The following FHOD3 variants were observed in gnomAD, a reference collection of about 807,000 sequenced individuals.
The protein encoded by FHOD3 is FH1/FH2 domain-containing protein 3.
FHOD3 carries 90 observed loss-of-function variants against 173.0 expected under a neutral mutation model. That is an observed-to-expected ratio of 0.52 (90% CI 0.44 to 0.62). The LOEUF is 0.62. Among genes scored for constraint, FHOD3 ranks in the 20% least tolerant of loss-of-function variants. The pLI is 0.00. For missense variants in FHOD3, 1,945 were observed against 2,034.7 expected, an observed-to-expected ratio of 0.96 and a Z score of 0.85; for synonymous variants, 828 against 823.0, an observed-to-expected ratio of 1.01 and a Z score of -0.10.
At chr18:36,724,581 G>T (rs898976786) in intron 19 of FHOD3, among the ~76,000 whole-genome samples, 2 of 152,194 alleles carry the variant, frequency 1.3e-5, no homozygotes, top group African/African-American at 4.8e-5. Flanking sequence ...CCCAGTCCCT[G>T]AGTTGCCTTA....
At chr18:36,690,367 T>C (rs1031018360) in intron 16 of FHOD3, among the ~76,000 whole-genome samples, 5 of 152,194 alleles carry the variant, frequency 3.3e-5, no homozygotes, top group Non-Finnish European at 7.3e-5. Context: ...AGCCCGGTGC[T>C]TCCCACAGAG....
chr18:36,672,371 T>G (rs187390892), intron 14 of FHOD3, among the ~76,000 whole-genome samples: 53 of 152,310 alleles, frequency 3.5e-4, no homozygotes, highest in Admixed American at 2.7e-3. Flanking sequence ...CTTGAAAAAT[T>G]ACTCTGGTCT....
chr18:36,657,178 A>C (rs1228879634), intron 13 of FHOD3, among the ~76,000 whole-genome samples: 2 of 152,316 alleles, frequency 1.3e-5, no homozygotes, highest in Admixed American at 1.3e-4. Flanking sequence ...CACACATTCT[A>C]ATACAGTGTC....
chr18:36,365,752 C>CGGGCTAGG (rs1227029157), intron 2 of FHOD3, among the ~76,000 whole-genome samples: 2 of 152,048 alleles, frequency 1.3e-5, no homozygotes, highest in African/African-American at 4.8e-5. Flanking sequence ...TGGTGACGGC[C>CGGGCTAGG]GGGCTAGGTG....
intron 8 of FHOD3, among the ~76,000 whole-genome samples, chr18:36,603,750 C>T (rs963840884): frequency 6.6e-5 from 10 of 152,110 alleles, no homozygotes; most frequent in Admixed American, 1.3e-4. Flanking sequence ...GTGGTCCACC[C>T]GTTTTGGCCT....
chr18:36,679,312 A>G (rs1418321976), intron 14 of FHOD3, among the ~76,000 whole-genome samples: 1 of 151,668 alleles, frequency 6.6e-6, no homozygotes, highest in Non-Finnish European at 1.5e-5. Flanking sequence ...AATAATTTTG[A>G]TGGAACTTGT....
intron 23 of FHOD3, 106 bp downstream of exon 23, chr18:36,744,299 G>A: frequency 8.9e-7 from 1 of 1,118,148 alleles, no homozygotes; most frequent in Non-Finnish European, 1.3e-6. Flanking sequence ...ATGCCCAAGT[G>A]CTGCCTGCAT....
chr18:36,743,404 G>T (rs1351034582), intron 22 of FHOD3, among the ~76,000 whole-genome samples: 4 of 149,620 alleles, frequency 2.7e-5, no homozygotes, highest in Non-Finnish European at 4.4e-5. Context: ...ACACACACAT[G>T]ATTCTTTATG....
At chr18:36,398,490 A>G (rs1038516834) in intron 3 of FHOD3, among the ~76,000 whole-genome samples, 1 of 152,228 alleles carries the variant, frequency 6.6e-6, no homozygotes, top group Non-Finnish European at 1.5e-5. Context: ...TTTTTCAGAA[A>G]GAAAATGCCG....
Position 36,450,589 on chromosome 18 carries a change from C to T in FHOD3, c.338-51343C>T, listed in dbSNP as rs546976606. On this transcript the variant is annotated intron_variant, in intron 3 of 28. Transcript: ENST00000590592. ...GGAGGATTTCTTGAGGCCAGGAGTT[C>T]GAGACCAGCCTGGGCAACATGGTGA... 7.3e-5 allele frequency among the ~76,000 whole-genome samples: 11 copies of T among 151,724 alleles called. 1 individual carries two copies. In the South Asian group the frequency reaches 1.7e-3, roughly 23 times the overall value.
chr18:36,615,204 C>A (rs2033088058), intron 9 of FHOD3, among the ~76,000 whole-genome samples: 1 of 152,046 alleles, frequency 6.6e-6, no homozygotes, highest in Non-Finnish European at 1.5e-5. Flanking sequence ...GGATACTAGA[C>A]CCTTATCAGA....
intron 5 of FHOD3, among the ~76,000 whole-genome samples, chr18:36,541,408 GTC>G (rs1433428220): frequency 3.9e-5 from 6 of 151,976 alleles, no homozygotes; most frequent in Admixed American, 3.3e-4. Flanking sequence ...ATGAGACCCT[GTC>G]TCTACAAAAA....
intron 2 of FHOD3, among the ~76,000 whole-genome samples, chr18:36,366,929 T>G (rs1451450157): frequency 1.3e-5 from 2 of 152,208 alleles, no homozygotes; most frequent in African/African-American, 2.4e-5. Flanking sequence ...GGAGGAGTAC[T>G]TGGGAGCATT....
chr18:36,477,079 A>G (rs1434234819), intron 3 of FHOD3, among the ~76,000 whole-genome samples: 2 of 152,196 alleles, frequency 1.3e-5, no homozygotes, highest in South Asian at 2.1e-4. Flanking sequence ...GGTGGATTTC[A>G]TGGCAGGTCC....
chr18:36,490,427 C>T (rs1215442167), intron 3 of FHOD3, among the ~76,000 whole-genome samples: 12 of 152,128 alleles, frequency 7.9e-5, no homozygotes, highest in Non-Finnish European at 1.5e-5. Flanking sequence ...CTTTCCTCCT[C>T]AGTAAAGATG....
intron 3 of FHOD3, among the ~76,000 whole-genome samples, chr18:36,419,560 G>A (rs2049876621): frequency 6.6e-6 from 1 of 152,192 alleles, no homozygotes; most frequent in East Asian, 1.9e-4. Flanking sequence ...TAGGAACCCT[G>A]TAGCAACTTG....
intron 1 of FHOD3, among the ~76,000 whole-genome samples, chr18:36,318,932 AG>A (rs1443577941): frequency 1.3e-5 from 2 of 152,176 alleles, no homozygotes; most frequent in Non-Finnish European, 2.9e-5. Flanking sequence ...TTTAGCAGGA[AG>A]GGCTGTTGAA....
At chr18:36,413,624 G>T (rs532366228) in intron 3 of FHOD3, among the ~76,000 whole-genome samples, 1 of 152,286 alleles carries the variant, frequency 6.6e-6, no homozygotes, top group Non-Finnish European at 1.5e-5. Flanking sequence ...TAGGCAGCCT[G>T]GATTTATGTG....
intron 24 of FHOD3, among the ~76,000 whole-genome samples, chr18:36,747,628 C>T (rs1342356214): frequency 6.6e-6 from 1 of 152,238 alleles, no homozygotes; most frequent in Non-Finnish European, 1.5e-5. Context: ...GCACTGTCCT[C>T]TGGACCAGCC....
Sources: gnomAD v4.1 joint callset for allele counts (sites outside exome capture counted in the v4.1 genomes callset) on GRCh38, gnomAD v4.1.1 for gene constraint, MANE v1.5 for transcripts, NCBI Gene and HGNC (gene_info 2026-07-23, HGNC 2026-07-21) for gene names.